Variants in DLAT observed in about 807,000 individuals in gnomAD.
DLAT encodes dihydrolipoyllysine-residue acetyltransferase component of pyruvate dehydrogenase complex, mitochondrial.
DLAT carries 43 observed loss-of-function variants against 68.0 expected under a neutral mutation model. The ratio of observed to expected loss-of-function variants is 0.63; its 90% CI spans 0.50 to 0.81. The LOEUF is 0.81. Among genes scored for constraint, DLAT ranks in the 40% least tolerant of loss-of-function variants. The probability of loss-of-function intolerance (pLI) is 0.00; values close to 1 mark genes in which losing one functional copy is unlikely to be tolerated. For synonymous variants in DLAT, 265 were observed against 288.6 expected, an observed-to-expected ratio of 0.92 and a Z score of 0.83; for missense variants, 745 against 815.4, an observed-to-expected ratio of 0.91 and a Z score of 1.05.
intron 2 of DLAT, among the ~76,000 whole-genome samples, chr11:112,026,825 T>C (rs1423477409): frequency 9.2e-5 from 14 of 152,316 alleles, no homozygotes; most frequent in Non-Finnish European, 1.9e-4. Flanking sequence ...CAATGAGCTG[T>C]TGGGTACACC....
At chr11:112,035,965 A>T (rs587702541) in intron 5 of DLAT, among the ~76,000 whole-genome samples, 14 of 130,156 alleles carry the variant, frequency 1.1e-4, no homozygotes, top group African/African-American at 4.1e-4. Context: ...TAATTTTTGT[A>T]TTTTTAGTGG....
intron 8 of DLAT, among the ~76,000 whole-genome samples, chr11:112,044,489 G>A (rs1366910512): frequency 6.6e-6 from 1 of 152,156 alleles, no homozygotes; most frequent in Non-Finnish European, 1.5e-5. Context: ...CATTGTTTAG[G>A]ATAATGGATT....
chr11:112,028,367 C>A, intron 2 of DLAT, 148 bp from the exon 3 acceptor site: 3 of 880,138 alleles, frequency 3.4e-6, no homozygotes, highest in Admixed American at 2.5e-5. Context: ...TGCAATGAGC[C>A]GAGATTGCAC....
At chr11:112,030,271 C>T (rs1209336327) in intron 4 of DLAT, 2 of 563,798 alleles carry the variant, frequency 3.5e-6, no homozygotes, top group East Asian at 4.7e-5. Flanking sequence ...ACAACGTCTG[C>T]AGAGAGCTCG....
rs1864730323 is a variant in DLAT at position 112,063,002 on chromosome 11, G to C, written c.*467G>C. 6.3e-6 allele frequency: 1 copy of C among 158,866 alleles called. No individual in the cohort carries two copies. The highest frequency in any genetic ancestry group is 2.4e-5 in the African/African-American group (1 of 41,484). The allele number at this position is 158,866 out of a possible 1,614,324, so 9.8% of individuals were successfully genotyped here. ...GGGCTTGAATTGAAGCTTTACTTTAGAATTTAGCCCTGGTTTGAAATTTTC... is the reference window on the plus strand; with the variant it reads ...GGGCTTGAATTGAAGCTTTACTTTACAATTTAGCCCTGGTTTGAAATTTTC... On this transcript the variant is annotated 3_prime_UTR_variant, in exon 14 of 14. Transcript: ENST00000280346.
chr11:112,057,974 C>T (rs587700120), intron 11 of DLAT, among the ~76,000 whole-genome samples: 2 of 152,248 alleles, frequency 1.3e-5, no homozygotes, highest in South Asian at 4.1e-4. Flanking sequence ...TAGTGTTAAG[C>T]ATAACTTTTG....
chr11:112,048,796 A>C (rs1863462086), intron 10 of DLAT, among the ~76,000 whole-genome samples: 1 of 152,040 alleles, frequency 6.6e-6, no homozygotes, highest in South Asian at 2.1e-4. Flanking sequence ...GGCCTCCCAA[A>C]GTGCTGGAAT....
intron 12 of DLAT, among the ~76,000 whole-genome samples, chr11:112,060,412 A>C (rs1555183092): frequency 6.6e-6 from 1 of 151,532 alleles, no homozygotes; most frequent in Non-Finnish European, 1.5e-5. Flanking sequence ...CGCCTGCCTC[A>C]GCCTCCCAAA....
Position 112,064,093 on chromosome 11 carries a change from G to C in DLAT, c.*1558G>C. On this transcript the variant is annotated 3_prime_UTR_variant, in exon 14 of 14. Coordinates refer to ENST00000280346, the MANE Select transcript of DLAT (RefSeq NM_001931.5). ...ATTTTTCAGTAATTAGTAATTTTAG[G>C]TTGAAGATTATCCAAAAGAAACAAG... 8.1e-7 allele frequency: 1 copy of C among 1,229,798 alleles called. No individual in the cohort carries two copies. The highest frequency in any genetic ancestry group is 1.1e-6 in the Non-Finnish European group (1 of 896,174). The allele number at this position is 1,229,798 out of a possible 1,614,324, so 76.2% of individuals were successfully genotyped here.
intron 4 of DLAT, among the ~76,000 whole-genome samples, chr11:112,031,129 A>T (rs1439051867): frequency 6.6e-6 from 1 of 152,220 alleles, no homozygotes; most frequent in Non-Finnish European, 1.5e-5. Context: ...TGAAGATGGC[A>T]AATTCTGCAC....
intron 8 of DLAT, among the ~76,000 whole-genome samples, chr11:112,044,309 C>T (rs958576859): frequency 2.6e-5 from 4 of 152,072 alleles, no homozygotes; most frequent in African/African-American, 9.7e-5. Flanking sequence ...ATTCTCATGC[C>T]CCAGCCTCCC....
intron 5 of DLAT, among the ~76,000 whole-genome samples, chr11:112,035,434 C>T (rs376863786): frequency 2.2e-4 from 34 of 152,176 alleles, no homozygotes; most frequent in African/African-American, 6.7e-4. Flanking sequence ...AGAAGTGTTA[C>T]CTTGGTTGAA....
At chr11:112,036,124 CAT>C (rs1384689808) in intron 5 of DLAT, among the ~76,000 whole-genome samples, 53 of 133,592 alleles carry the variant, frequency 4.0e-4, no homozygotes, top group Middle Eastern at 4.6e-3. Context: ...CAGACTTAAA[CAT>C]ATATATATGT....
At chr11:112,026,435 A>G (rs1862017779) in intron 2 of DLAT, 136 bp downstream of exon 2, 2 of 447,462 alleles carry the variant, frequency 4.5e-6, no homozygotes, top group Non-Finnish European at 7.4e-6. Context: ...ACAAGTGAAC[A>G]AAGGTCTCTG....
In DLAT at chr11:112,051,237, T is replaced by A; in HGVS notation, c.1402T>A (p.Leu468Ile). 1.2e-6 allele frequency: 2 copies of A among 1,603,530 alleles called. No homozygotes were observed. Among genetic ancestry groups the A allele is most frequent in the South Asian group, 1.1e-5 (1 of 90,742 alleles). ...ACAGTTCTTCTTGTCTTTCCAGATA[T>A]TAGAAGGGAGAAGCAAAATTTCTGT... Reference protein sequence around the residue: ...LLVRKELNKILEGRSKISVND... With the variant: ...LLVRKELNKIIEGRSKISVND... The change falls in exon 11 of 14, where the codon TTA becomes ATA. Residue 468 changes from leucine (L) to isoleucine (I), a missense_variant. Leu to Ile is a conservative substitution (Grantham distance 5, BLOSUM62 2). Transcript: ENST00000280346. This position sits in a 1 kb window ranked among gnomAD's most constrained non-coding sequence, Gnocchi z 4.3.
Position 112,064,050 on chromosome 11 carries a change from A to G in DLAT, c.*1515A>G. On this transcript the variant is annotated 3_prime_UTR_variant, in exon 14 of 14. Coordinates refer to ENST00000280346, the MANE Select transcript of DLAT (RefSeq NM_001931.5). ...CTTTTACCTTGCTGTATTATTATGA[A>G]AACAATACATTAATTTGATTTTTCA... is the stretch of plus-strand genomic sequence containing the variant. 1.1e-6 allele frequency: 1 copy of G among 874,972 alleles called. No homozygotes were observed. The highest frequency in any genetic ancestry group is 1.7e-6 in the Non-Finnish European group (1 of 590,334). The allele number at this position is 874,972 out of a possible 1,614,324, so 54.2% of individuals were successfully genotyped here. A position where few individuals can be genotyped will look rare whatever the true frequency, so the allele number is the denominator to read the frequency against.
chr11:112,058,993 G>C (rs964095490), intron 11 of DLAT, among the ~76,000 whole-genome samples: 6 of 151,666 alleles, frequency 4.0e-5, no homozygotes, highest in Non-Finnish European at 7.4e-5. Flanking sequence ...CAGATGCATA[G>C]GGACACATTC....
In DLAT at chr11:112,062,582, T is replaced by C; in HGVS notation, c.*47T>C. 1 of 1,596,742 alleles carries C rather than the reference T, an allele frequency of 6.3e-7. No individual in the cohort carries two copies. Among genetic ancestry groups the C allele is most frequent in the East Asian group, 2.2e-5 (1 of 44,746 alleles). On this transcript the variant is annotated 3_prime_UTR_variant, in exon 14 of 14. Coordinates refer to ENST00000280346, the MANE Select transcript of DLAT (RefSeq NM_001931.5). ...TCTCCCAGGTCACACTGATTCATTCTTAACAAGATATTTATATGTTATTAA... is the reference window on the plus strand; with the variant it reads ...TCTCCCAGGTCACACTGATTCATTCCTAACAAGATATTTATATGTTATTAA...
At chr11:112,057,146 T>C (rs1864146314) in intron 11 of DLAT, among the ~76,000 whole-genome samples, 1 of 152,208 alleles carries the variant, frequency 6.6e-6, no homozygotes. Flanking sequence ...GCAAACTTCA[T>C]TGATAAATTT....
Sources: gnomAD v4.1 joint callset for allele counts (sites outside exome capture counted in the v4.1 genomes callset) on GRCh38, gnomAD v4.1.1 for gene constraint, Gnocchi (gnomAD v3.1) non-coding constraint, MANE v1.5 for transcripts, NCBI Gene and HGNC (gene_info 2026-07-23, HGNC 2026-07-21) for gene names.